Variants in FEZ1 observed in about 807,000 individuals in gnomAD.
FEZ1 encodes the protein fasciculation and elongation protein zeta 1, also known as fasciculation and elongation protein zeta-1.
A neutral mutation model predicts 49.3 loss-of-function variants in FEZ1; 20 were observed. The observed-to-expected ratio is 0.41, with a 90% CI of 0.29 to 0.59. The LOEUF (loss-of-function observed/expected upper bound fraction) is 0.59, where lower values mean the gene tolerates loss of function less well. Among genes scored for constraint, FEZ1 ranks in the 20% least tolerant of loss-of-function variants. The pLI, the probability that FEZ1 is intolerant of heterozygous loss-of-function variation, is 0.36. For synonymous variants in FEZ1, 170 were observed against 180.9 expected (o/e 0.94, Z 0.48); for missense variants, 413 against 476.0 (o/e 0.87, Z 1.23).
At chr11:125,463,416 G>A in intron 4 of FEZ1, 68 bp downstream of exon 4, 2 of 878,712 alleles carry the variant, frequency 2.3e-6, no homozygotes, top group South Asian at 1.4e-5. Flanking sequence ...TGTGGCAAGT[G>A]TGTTCTCTTG....
At position 125,495,450 on chromosome 11, in the gene FEZ1, C is replaced by A. The variant is rs1957451612; in HGVS notation, c.-46+671G>T. 6.4e-6 allele frequency: 3 copies of A among 470,196 alleles called. No homozygotes were observed. In the Admixed American group the frequency reaches 7.1e-5, roughly 11 times the overall value. 29.1% of individuals were successfully genotyped at this position (470,196 alleles called of 1,614,324 possible). ...GAGCCCGGGGCCCACCCGACGGCAG[C>A]GCGCCCCGCCACCGCGCAGCCGCCC... On this transcript the variant is annotated intron_variant, in intron 1 of 9. Transcript: ENST00000278919. This position sits in a 1 kb window ranked among gnomAD's most constrained non-coding sequence, Gnocchi z 4.2.
At chr11:125,490,028 GCTT>G (rs1052614772) in intron 1 of FEZ1, among the ~76,000 whole-genome samples, 3 of 151,934 alleles carry the variant, frequency 2.0e-5, no homozygotes, top group African/African-American at 7.3e-5. Flanking sequence ...ATTGCTCTGT[GCTT>G]CTTATTCTTC....
At chr11:125,479,240 C>A (rs1957258855) in intron 3 of FEZ1, among the ~76,000 whole-genome samples, 1 of 152,194 alleles carries the variant, frequency 6.6e-6, no homozygotes, top group African/African-American at 2.4e-5. Context: ...ACATTTTCAA[C>A]AAATCAGTCA....
chr11:125,456,054 C>T lies in FEZ1; in HGVS notation c.720G>A (p.Glu240=). The stretch of plus-strand genomic sequence containing the variant: ...CCTCCGAGAAGTCACGGATGGCACC[C>T]TCCACCTGGTCCAGCAGCTCGGTCA... ...SELTELLDQV[E]GAIRDFSEEL... is the part of the protein sequence containing the mutation. Residue 240 remains glutamate (E), a synonymous_variant, in exon 6 of 10, where the codon GAG becomes GAA. Transcript: ENST00000278919. The T allele has an allele frequency of 6.2e-7, 1 of 1,611,778 alleles. No homozygotes were observed. Among genetic ancestry groups the T allele is most frequent in the Non-Finnish European group, 8.5e-7 (1 of 1,179,458 alleles).
In FEZ1 at chr11:125,489,728, G is replaced by T. The variant is rs1407430799; in HGVS notation, c.50C>A (p.Pro17His). 3.1e-6 allele frequency: 5 copies of T among 1,593,152 alleles called. No individual in the cohort carries two copies. Among genetic ancestry groups the T allele is most frequent in the Non-Finnish European group, 4.3e-6 (5 of 1,169,724 alleles). The change falls in exon 2 of 10, where the codon CCC (proline) becomes CAC (histidine). Residue 17 changes from proline (P) to histidine (H), a missense_variant. Physicochemically the swap from Pro to His is moderately conservative, Grantham distance 77. Transcript: ENST00000278919. This position sits in a 1 kb window ranked among gnomAD's most constrained non-coding sequence, Gnocchi z 4.2. ...SLDEEFEDLR[P>H]SCSEDPEEKP... is the part of the protein sequence containing the mutation. ...CTCCTCCGGGTCCTCCGAGCAGGAG[G>T]GTCGAAGGTCCTCAAACTCTTCATC...
In FEZ1 at chr11:125,456,062, G is replaced by C. The variant is rs531561230; in HGVS notation, c.712C>G (p.Gln238Glu). 1 of 1,610,680 alleles carries C rather than the reference G, an allele frequency of 6.2e-7. No homozygotes were observed. The highest frequency in any genetic ancestry group is 8.5e-7 in the Non-Finnish European group (1 of 1,179,154). ...SGSELTELLD[Q>E]VEGAIRDFSE... ...AAGTCACGGATGGCACCCTCCACCT[G>C]GTCCAGCAGCTCGGTCAGCTCAGAC... The change falls in exon 6 of 10, where the codon CAG becomes GAG. Residue 238 changes from glutamine (Q) to glutamate (E), a missense_variant. By Grantham distance (29) the Gln-to-Glu change is conservative (BLOSUM62 2). Transcript: ENST00000278919.
intron 1 of FEZ1, among the ~76,000 whole-genome samples, chr11:125,493,456 A>C (rs1232096873): frequency 8.2e-5 from 5 of 61,072 alleles, no homozygotes; most frequent in African/African-American, 5.8e-4. Flanking sequence ...GAAGGAAAGA[A>C]GGAAAGAAGG....
At chr11:125,457,429 AAT>A (rs145878447) in intron 5 of FEZ1, among the ~76,000 whole-genome samples, 292 of 20,906 alleles carry the variant, frequency 0.014, 5 homozygotes, top group Middle Eastern at 0.031. Flanking sequence ...AAAAAAAAAA[AAT>A]ATATATATAT....
chr11:125,462,565 T>A (rs1474521032), intron 4 of FEZ1, among the ~76,000 whole-genome samples: 1 of 152,216 alleles, frequency 6.6e-6, no homozygotes, highest in Non-Finnish European at 1.5e-5. Flanking sequence ...CTTAGCAGGA[T>A]TGTAGCTACT....
intron 5 of FEZ1, 133 bp downstream of exon 5, chr11:125,460,365 T>C: frequency 1.5e-6 from 1 of 689,440 alleles, no homozygotes; most frequent in East Asian, 2.7e-5. Context: ...AAGGTATTGC[T>C]GACCACCTAG....
At chr11:125,457,200 A>G (rs1027564530) in intron 5 of FEZ1, among the ~76,000 whole-genome samples, 9 of 149,026 alleles carry the variant, frequency 6.0e-5, no homozygotes, top group Non-Finnish European at 8.9e-5. Flanking sequence ...ATAAAAATAA[A>G]TAAATAAATA....
intron 1 of FEZ1, among the ~76,000 whole-genome samples, chr11:125,492,959 C>T (rs867722715): frequency 6.6e-4 from 95 of 143,636 alleles, no homozygotes; most frequent in African/African-American, 4.0e-4. Context: ...CAAAGTGAGA[C>T]CCTATCTTTA....
At position 125,444,042 on chromosome 11, in the gene FEZ1, G is replaced by C. The variant is rs1177696476; in HGVS notation, c.*2053C>G. Among the ~76,000 whole-genome samples, 3 of 152,200 alleles carry C rather than the reference G, an allele frequency of 2.0e-5. No homozygotes were observed. Among genetic ancestry groups the C allele is most frequent in the African/African-American group, 7.2e-5 (3 of 41,448 alleles). On this transcript the variant is annotated 3_prime_UTR_variant, in exon 10 of 10. Transcript: ENST00000278919. ...CCGGCAGAGTGCTAAACATGCTAATGACCTCACACCACTAATGACCCTGGG... is the reference window on the plus strand; with the variant it reads ...CCGGCAGAGTGCTAAACATGCTAATCACCTCACACCACTAATGACCCTGGG...
At position 125,474,281 on chromosome 11, in the gene FEZ1, A is replaced by G. The variant is rs1457159172; in HGVS notation, c.411+7253T>C. Reference sequence around the variant, plus strand: ...TCTCAATCTGCTGACCTCGTGATCCACCCACCTTGGCCTCCCAAAGTGCTG... The same window carrying G: ...TCTCAATCTGCTGACCTCGTGATCCGCCCACCTTGGCCTCCCAAAGTGCTG... On this transcript the variant is annotated intron_variant, in intron 3 of 9. Coordinates refer to ENST00000278919, the MANE Select transcript of FEZ1 (RefSeq NM_005103.5). Among the ~76,000 whole-genome samples, 3 of 146,022 alleles carry G rather than the reference A, an allele frequency of 2.1e-5. No homozygotes were observed. In the Admixed American group the frequency reaches 2.1e-4, roughly 10 times the overall value.
Position 125,471,851 on chromosome 11 carries a change from G to A in FEZ1, c.412-8281C>T, listed in dbSNP as rs928686762. ...TGGCATATATTACATTCACTAAGAC[G>A]TACCATATGCTGGACCCTAAATCAG... is the stretch of plus-strand genomic sequence containing the variant. On this transcript the variant is annotated intron_variant, in intron 3 of 9. Transcript: ENST00000278919. Among the ~76,000 whole-genome samples, 70 of 152,106 alleles carry A rather than the reference G, an allele frequency of 4.6e-4. 1 individual carries two copies. The highest frequency in any genetic ancestry group is 1.6e-3 in the African/African-American group (67 of 41,526).
chr11:125,472,850 A>ATGCTGGTTT (rs1183258028), intron 3 of FEZ1, among the ~76,000 whole-genome samples: 2 of 152,176 alleles, frequency 1.3e-5, no homozygotes, highest in African/African-American at 4.8e-5. Flanking sequence ...TTAAAATAAA[A>ATGCTGGTTT]TGCTGGTTTA....
At chr11:125,486,260 C>T (rs1008544717) in intron 2 of FEZ1, among the ~76,000 whole-genome samples, 1 of 152,122 alleles carries the variant, frequency 6.6e-6, no homozygotes, top group Non-Finnish European at 1.5e-5. Context: ...TCAGGGTACT[C>T]GTAAGAGGGC....
intron 4 of FEZ1, among the ~76,000 whole-genome samples, chr11:125,461,959 T>A (rs1410570805): frequency 1.3e-5 from 2 of 152,148 alleles, no homozygotes; most frequent in African/African-American, 4.8e-5. Flanking sequence ...CCTGTCAGGG[T>A]CTTATGGCTG....
Position 125,463,500 on chromosome 11 carries a change from A to G in FEZ1, c.482T>C (p.Leu161Pro). 6.2e-7 allele frequency: 1 copy of G among 1,602,034 alleles called. No individual in the cohort carries two copies. The highest frequency in any genetic ancestry group is 8.6e-7 in the Non-Finnish European group (1 of 1,169,030). ...TACTTATACCTGATCTGCTGTGAGC[A>G]GAGGCTCCTCGTTGATACCGGAATC... is the stretch of plus-strand genomic sequence containing the variant. Reference protein sequence around the residue: ...ENDSGINEEPLLTADQVIEEI... With the variant: ...ENDSGINEEPPLTADQVIEEI... The change falls in exon 4 of 10, where the codon CTG becomes CCG. Residue 161 changes from leucine to proline, a missense_variant. Physicochemically the swap from Leu to Pro is moderately conservative, Grantham distance 98. Transcript: ENST00000278919.
Sources: gnomAD v4.1 joint callset for allele counts (sites outside exome capture counted in the v4.1 genomes callset) on GRCh38, gnomAD v4.1.1 for gene constraint, Gnocchi (gnomAD v3.1) non-coding constraint, MANE v1.5 for transcripts, NCBI Gene and HGNC (gene_info 2026-07-23, HGNC 2026-07-21) for gene names.